ATRNL1: variants seen among roughly 807,000 people sequenced by gnomAD.
The protein encoded by ATRNL1 is attractin like 1, also known as attractin-like protein 1.
A neutral mutation model predicts 182.7 loss-of-function variants in ATRNL1; 95 were observed. That is an observed-to-expected ratio of 0.52 (90% CI 0.44 to 0.62). The LOEUF (loss-of-function observed/expected upper bound fraction) is 0.62, where lower values mean the gene tolerates loss of function less well. Ranked by LOEUF, ATRNL1 falls within the 20% of genes least tolerant of loss-of-function variation. ATRNL1 has a pLI of 0.00. For missense variants in ATRNL1, 1,471 were observed against 1,679.5 expected (o/e 0.88, Z 2.17); for synonymous variants, 576 against 568.3 (o/e 1.01, Z -0.19).
At chr10:115,739,707 AT>A (rs1231485497) in intron 27 of ATRNL1, among the ~76,000 whole-genome samples, 1 of 152,190 alleles carries the variant, frequency 6.6e-6, no homozygotes, top group Non-Finnish European at 1.5e-5. Context: ...TCAGCTAGTC[AT>A]ATTTTTGGCT....
chr10:115,356,020 A>C (rs994344827), intron 19 of ATRNL1, among the ~76,000 whole-genome samples: 3 of 152,116 alleles, frequency 2.0e-5, no homozygotes, highest in African/African-American at 7.2e-5. Context: ...TGTTCATAGC[A>C]GACTTTTACA....
At chr10:115,374,206 C>T (rs184309877) in intron 19 of ATRNL1, among the ~76,000 whole-genome samples, 168 of 151,606 alleles carry the variant, frequency 1.1e-3, no homozygotes, top group Non-Finnish European at 1.8e-3. Flanking sequence ...TGTAACACTT[C>T]TTTAATTTTC....
chr10:115,655,640 G>A (rs1465239526), intron 26 of ATRNL1, among the ~76,000 whole-genome samples: 1 of 152,112 alleles, frequency 6.6e-6, no homozygotes, highest in Admixed American at 6.6e-5. Context: ...AGAACAACAA[G>A]CCACTACAAA....
chr10:115,403,278 G>GTTTTTTTTTTTTTTTTTTTTTTTTTTT (rs1844665647), intron 20 of ATRNL1, among the ~76,000 whole-genome samples: 1 of 43,672 alleles, frequency 2.3e-5, no homozygotes, highest in African/African-American at 1.5e-4. Flanking sequence ...TTTTTTTTTA[G>GTTTTTTTTTTTTTTTTTTTTTTTTTTT]TCTGCTATAT....
intron 28 of ATRNL1, among the ~76,000 whole-genome samples, chr10:115,892,061 T>C (rs1405901943): frequency 6.6e-6 from 1 of 152,148 alleles, no homozygotes; most frequent in Non-Finnish European, 1.5e-5. Context: ...TTCTACTGAG[T>C]CTGCTGAAAC....
intron 17 of ATRNL1, among the ~76,000 whole-genome samples, chr10:115,311,065 C>T (rs1255173688): frequency 1.5e-5 from 2 of 137,122 alleles, no homozygotes; most frequent in Non-Finnish European, 2.9e-5. Context: ...AATTGTTAAC[C>T]CCAAAATCGT....
intron 26 of ATRNL1, among the ~76,000 whole-genome samples, chr10:115,645,290 A>C (rs1405016858): frequency 6.6e-6 from 1 of 151,664 alleles, no homozygotes; most frequent in Non-Finnish European, 1.5e-5. Context: ...TTTTTTTAAA[A>C]AAAGTATTCT....
At chr10:115,881,009 A>T (rs563037828) in intron 28 of ATRNL1, among the ~76,000 whole-genome samples, 1 of 152,194 alleles carries the variant, frequency 6.6e-6, no homozygotes, top group Admixed American at 6.5e-5. Flanking sequence ...GGTGAAAATG[A>T]CTCAGAGGCA....
chr10:115,470,629 A>G (rs1554971936), intron 24 of ATRNL1, among the ~76,000 whole-genome samples: 2 of 150,580 alleles, frequency 1.3e-5, no homozygotes, highest in African/African-American at 4.8e-5. Context: ...AAAAAATTAC[A>G]TAGTTATTTT....
At position 115,869,907 on chromosome 10, in the gene ATRNL1, G is replaced by A. The variant is rs530758102; in HGVS notation, c.4018+21916G>A. Among the ~76,000 whole-genome samples, 26 of 140,162 alleles carry A rather than the reference G, an allele frequency of 1.9e-4. No individual in the cohort carries two copies. The South Asian group carries it at 5.0e-3, about 27-fold the overall frequency. The allele number at this position is 140,162 out of a possible 152,430, so 92.0% of individuals were successfully genotyped here. A position where few individuals can be genotyped will look rare whatever the true frequency, so the allele number is the denominator to read the frequency against. ...TGACTGCATATTGCTTTTTATGGAT[G>A]TATCATAAACTTCCTAATTATTCTC... On this transcript the variant is annotated intron_variant, in intron 28 of 28. Coordinates refer to ENST00000355044, the MANE Select transcript of ATRNL1 (RefSeq NM_207303.4).
chr10:115,693,438 C>T (rs1432911991), intron 26 of ATRNL1, among the ~76,000 whole-genome samples: 2 of 152,078 alleles, frequency 1.3e-5, no homozygotes, highest in African/African-American at 4.8e-5. Context: ...TGGCTTCATG[C>T]TTTTTGTTAG....
chr10:115,427,813 ATAAT>A (rs1845973221), intron 21 of ATRNL1, among the ~76,000 whole-genome samples: 1 of 151,704 alleles, frequency 6.6e-6, no homozygotes, highest in Non-Finnish European at 1.5e-5. Context: ...TAGCACATTT[ATAAT>A]TAATGTGATT....
At chr10:115,413,303 C>CT (rs1168582068) in intron 20 of ATRNL1, among the ~76,000 whole-genome samples, 1 of 152,044 alleles carries the variant, frequency 6.6e-6, no homozygotes, top group Non-Finnish European at 1.5e-5. Flanking sequence ...AGCCTGCATT[C>CT]TTTTTTCTCT....
chr10:115,600,572 A>G (rs1856536768), intron 26 of ATRNL1, among the ~76,000 whole-genome samples: 1 of 152,060 alleles, frequency 6.6e-6, no homozygotes, highest in African/African-American at 2.4e-5. Context: ...TTTAAAATTG[A>G]CAAAGTATTC....
intron 19 of ATRNL1, among the ~76,000 whole-genome samples, chr10:115,371,754 G>A (rs2134199101): frequency 6.6e-6 from 1 of 152,274 alleles, no homozygotes. Context: ...TGACTTGGGG[G>A]AATGTTGGGA....
chr10:115,654,301 C>A (rs1860194163), intron 26 of ATRNL1, among the ~76,000 whole-genome samples: 1 of 151,612 alleles, frequency 6.6e-6, no homozygotes. Context: ...CTCACTGCAA[C>A]CTCTGCCTCT....
chr10:115,389,540 G>GTATATATATATATATATGTA (rs1843871223), intron 19 of ATRNL1, among the ~76,000 whole-genome samples: 2 of 44,490 alleles, frequency 4.5e-5, no homozygotes. Context: ...ATGTGTATGT[G>GTATATATATATATATATGTA]TATATATATA....
At chr10:115,325,724 C>A (rs1487066492) in intron 18 of ATRNL1, among the ~76,000 whole-genome samples, 1 of 152,084 alleles carries the variant, frequency 6.6e-6, no homozygotes. Flanking sequence ...TGCTAGGGAA[C>A]TTCTTTTATC....
chr10:115,745,282 A>C (rs1308958634), intron 27 of ATRNL1, among the ~76,000 whole-genome samples: 2 of 151,938 alleles, frequency 1.3e-5, no homozygotes, highest in African/African-American at 4.8e-5. Flanking sequence ...ACTTTCAATG[A>C]GCTCCAACCA....
Sources: gnomAD v4.1 joint callset for allele counts (sites outside exome capture counted in the v4.1 genomes callset) on GRCh38, gnomAD v4.1.1 for gene constraint, MANE v1.5 for transcripts, NCBI Gene and HGNC (gene_info 2026-07-23, HGNC 2026-07-21) for gene names.